Variants in BCO1 observed in about 807,000 individuals in gnomAD.
The protein encoded by BCO1 is beta,beta-carotene 15,15'-dioxygenase.
Under a neutral mutation model 56.3 loss-of-function variants are expected in BCO1, and 54 were observed. That is an observed-to-expected ratio of 0.96 (90% CI 0.77 to 1.20). BCO1 has a LOEUF of 1.20. Ranked by LOEUF, BCO1 falls within the 50% of genes most tolerant of loss-of-function variation. The pLI is 0.00. For synonymous variants in BCO1, 318 were observed against 266.1 expected (o/e 1.20, Z -1.90); for missense variants, 801 against 690.9 (o/e 1.16, Z -1.79).
chr16:81,272,289 T>G (rs1334562377), intron 7 of BCO1, among the ~76,000 whole-genome samples: 1 of 151,124 alleles, frequency 6.6e-6, no homozygotes, highest in Non-Finnish European at 1.5e-5. Context: ...AATTTTTTTT[T>G]TGTATTTTTT....
At position 81,260,006 on chromosome 16, in the gene BCO1, C is replaced by G. The variant is rs548694183; in HGVS notation, c.323+201C>G. Among the ~76,000 whole-genome samples, 7 of 152,246 alleles carry G rather than the reference C, an allele frequency of 4.6e-5. No individual in the cohort carries two copies. In the Middle Eastern group the frequency reaches 0.01, roughly 222 times the overall value. On this transcript the variant is annotated intron_variant, in intron 3 of 10. Transcript: ENST00000258168. The stretch of plus-strand genomic sequence containing the variant: ...AGAGCATTTGACAAATTATTAGAAG[C>G]CCTCCCACATGGCTGGTGGGAAAGC...
intron 7 of BCO1, among the ~76,000 whole-genome samples, chr16:81,279,203 T>C (rs1406537603): frequency 6.6e-6 from 1 of 152,170 alleles, no homozygotes; most frequent in Non-Finnish European, 1.5e-5. Context: ...CACTTGAGCC[T>C]GGGAGTTTAA....
At chr16:81,282,427 G>T (rs1907935324) in intron 8 of BCO1, among the ~76,000 whole-genome samples, 1 of 152,112 alleles carries the variant, frequency 6.6e-6, no homozygotes, top group African/African-American at 2.4e-5. Flanking sequence ...TGAGAGCCTT[G>T]TTCCATCAGC....
chr16:81,239,750 G>C (rs1222099971), intron 1 of BCO1, among the ~76,000 whole-genome samples: 1 of 152,144 alleles, frequency 6.6e-6, no homozygotes, highest in Non-Finnish European at 1.5e-5. Flanking sequence ...GAGCCTATAG[G>C]AGTAGGACCT....
Position 81,284,919 on chromosome 16 carries a change from C to T in BCO1, c.1208-621C>T, listed in dbSNP as rs990574314. 3.9e-5 allele frequency among the ~76,000 whole-genome samples: 6 copies of T among 151,914 alleles called. No individual in the cohort carries two copies. In the East Asian group the frequency reaches 1.2e-3, roughly 29 times the overall value. ...TGGCACGATCTCGGCTCACTGCAACCTCTGCCTCCTGGGTTCAAGTGATTC... is the reference window on the plus strand; with the variant it reads ...TGGCACGATCTCGGCTCACTGCAACTTCTGCCTCCTGGGTTCAAGTGATTC... On this transcript the variant is annotated intron_variant, in intron 8 of 10. Transcript: ENST00000258168.
Position 81,270,306 on chromosome 16 carries a change from C to G in BCO1, c.991C>G (p.Leu331Val), listed in dbSNP as rs774139831. Reference sequence around the variant, plus strand: ...CGTCATTGCCTACGAGGACAACAGCCTCTACCAGCTCTTCTACCTGGCCAA... The same window carrying G: ...CGTCATTGCCTACGAGGACAACAGCGTCTACCAGCTCTTCTACCTGGCCAA... ...FDVIAYEDNS[L>V]YQLFYLANLN... Residue 331 changes from leucine to valine, a missense_variant, in exon 7 of 11, where the codon CTC (leucine) becomes GTC (valine). Physicochemically the swap from Leu to Val is conservative, Grantham distance 32. Transcript: ENST00000258168. The G allele has an allele frequency of 6.2e-7, 1 of 1,614,070 alleles. No homozygotes were observed. Among genetic ancestry groups the G allele is most frequent in the African/African-American group, 1.3e-5 (1 of 74,922 alleles).
rs753270632 is a variant in BCO1 at position 81,245,617 on chromosome 16, C to T, written c.193+14C>T. The T allele has an allele frequency of 2.6e-5, 42 of 1,613,972 alleles. No individual in the cohort carries two copies. The highest frequency in any genetic ancestry group is 8.9e-5 in the East Asian group (4 of 44,882). On this transcript the variant is annotated intron_variant, in intron 2 of 10. Coordinates refer to ENST00000258168, the MANE Select transcript of BCO1 (RefSeq NM_017429.3). Reference sequence around the variant, plus strand: ...CCATCAGAGACGGTGAGAACACCCACGAGTGTGCTGCCACTGCTGCAGCAA... The same window carrying T: ...CCATCAGAGACGGTGAGAACACCCATGAGTGTGCTGCCACTGCTGCAGCAA...
intron 3 of BCO1, among the ~76,000 whole-genome samples, chr16:81,260,968 C>T (rs1906448223): frequency 6.6e-6 from 1 of 152,152 alleles, no homozygotes; most frequent in African/African-American, 2.4e-5. Flanking sequence ...GGTGGACTGG[C>T]CCAGAGATGG....
chr16:81,290,433 G>A lies in BCO1; in HGVS notation c.1500G>A (p.Leu500=). 6.2e-7 allele frequency: 1 copy of A among 1,614,150 alleles called. No individual in the cohort carries two copies. The highest frequency in any genetic ancestry group is 1.1e-5 in the South Asian group (1 of 91,084). ...LILDAKSFTE[L]ARASVDVDMH... ...TGGATGCCAAAAGCTTTACGGAATT[G>A]GCCCGTGCCTCTGTTGATGTCGATA... The change falls in exon 11 of 11, where the codon TTG becomes TTA. Residue 500 remains leucine (L), a synonymous_variant. Coordinates refer to ENST00000258168, the MANE Select transcript of BCO1 (RefSeq NM_017429.3).
intron 10 of BCO1, 102 bp downstream of exon 10, chr16:81,287,508 G>T (rs1000838669): frequency 2.3e-6 from 2 of 870,760 alleles, no homozygotes; most frequent in East Asian, 2.6e-5. Context: ...GGTCATAAAG[G>T]GGGTGGATTG....
At chr16:81,263,779 C>G (rs1330323636) in intron 4 of BCO1, 1 of 152,266 alleles carries the variant, frequency 6.6e-6, no homozygotes, top group African/African-American at 2.4e-5. Flanking sequence ...AATAGACCCA[C>G]TTTCAATTTT....
chr16:81,250,769 T>C (rs889003531), intron 2 of BCO1, among the ~76,000 whole-genome samples: 9 of 151,858 alleles, frequency 5.9e-5, no homozygotes, highest in Admixed American at 2.6e-4. Context: ...TTAGTAGAGA[T>C]AGGGTCTCGC....
At chr16:81,259,295 A>G (rs1906334055) in intron 2 of BCO1, among the ~76,000 whole-genome samples, 1 of 152,058 alleles carries the variant, frequency 6.6e-6, no homozygotes, top group Non-Finnish European at 1.5e-5. Context: ...GGAGTTCAAG[A>G]CTAGCCTGGC....
At position 81,262,224 on chromosome 16, in the gene BCO1, A is replaced by G. The variant is rs370376971; in HGVS notation, c.412A>G (p.Thr138Ala). 19 of 1,613,800 alleles carry G rather than the reference A, an allele frequency of 1.2e-5. No individual in the cohort carries two copies. In the African/African-American group the frequency reaches 2.3e-4, roughly 19 times the overall value. ...GAAGTGCGGAGAAGACTTCTACGCGACCTCAGAGACCAATTACATCAGGAA... is the reference window on the plus strand; with the variant it reads ...GAAGTGCGGAGAAGACTTCTACGCGGCCTCAGAGACCAATTACATCAGGAA... ...IMKCGEDFYATSETNYIRKIN... is the reference protein window; with the variant it reads ...IMKCGEDFYAASETNYIRKIN... Residue 138 changes from threonine (T) to alanine (A), a missense_variant, in exon 4 of 11, where the codon ACC becomes GCC. Coordinates refer to ENST00000258168, the MANE Select transcript of BCO1 (RefSeq NM_017429.3).
chr16:81,243,185 A>G (rs1905216294), intron 1 of BCO1, among the ~76,000 whole-genome samples: 1 of 152,160 alleles, frequency 6.6e-6, no homozygotes. Context: ...CATTGTGAAT[A>G]CACTAGAACC....
intron 7 of BCO1, among the ~76,000 whole-genome samples, chr16:81,270,799 C>T (rs1907159791): frequency 6.6e-6 from 1 of 151,432 alleles, no homozygotes; most frequent in Non-Finnish European, 1.5e-5. Context: ...GGCTGGAGTG[C>T]AGTGTTGCGA....
Position 81,280,326 on chromosome 16 carries a change from C to CACACACACAG in BCO1, c.1102-522_1102-521insGACACACACA, listed in dbSNP as rs1377479705. Among the ~76,000 whole-genome samples the CACACACACAG allele has an allele frequency of 1.0e-3, 11 of 11,020 alleles. 1 individual carries two copies. Among genetic ancestry groups the CACACACACAG allele is most frequent in the Non-Finnish European group, 2.3e-3 (11 of 4,886 alleles). 7.2% of individuals were successfully genotyped at this position (11,020 alleles called of 152,430 possible). A position where few individuals can be genotyped will look rare whatever the true frequency, so the allele number is the denominator to read the frequency against. On this transcript the variant is annotated intron_variant, in intron 7 of 10. Transcript: ENST00000258168. ...AAAAAAAATTACACACACACACAGA[C>CACACACACAG]ACACACACACACACACACACACACA...
chr16:81,250,578 C>CTTTTTTTTTTTTTTT (rs530676028), intron 2 of BCO1, among the ~76,000 whole-genome samples: 6 of 105,478 alleles, frequency 5.7e-5, no homozygotes, highest in Non-Finnish European at 7.4e-5. Context: ...CTCAATAAAG[C>CTTTTTTTTTTTTTTT]TTTTTTTTTT....
chr16:81,251,173 C>G (rs1219513308), intron 2 of BCO1, among the ~76,000 whole-genome samples: 1 of 152,080 alleles, frequency 6.6e-6, no homozygotes, highest in Non-Finnish European at 1.5e-5. Context: ...AAACATCTAA[C>G]TTAGAGAAAA....
Sources: gnomAD v4.1 joint callset for allele counts (sites outside exome capture counted in the v4.1 genomes callset) on GRCh38, gnomAD v4.1.1 for gene constraint, MANE v1.5 for transcripts, NCBI Gene and HGNC (gene_info 2026-07-23, HGNC 2026-07-21) for gene names.